The following WDR87 variants were observed in gnomAD, a reference collection of about 807,000 sequenced individuals.
WDR87 encodes the protein WD repeat domain 87.
A neutral mutation model predicts 83.3 loss-of-function variants in WDR87; 56 were observed. The observed-to-expected ratio is 0.67, with a 90% CI of 0.54 to 0.84. The LOEUF is 0.84. Ranked by LOEUF, WDR87 falls within the 40% of genes least tolerant of loss-of-function variation. WDR87 has a pLI of 0.00. For missense variants in WDR87, 2,939 were observed against 3,431.9 expected (o/e 0.86, Z 3.59); for synonymous variants, 1,173 against 1,250.6 (o/e 0.94, Z 1.31).
chr19:37,887,981 TC>T lies in WDR87; in HGVS notation c.5689del (p.Glu1897ArgfsTer17), dbSNP rs955311106. 2.6e-6 allele frequency: 4 copies of T among 1,550,206 alleles called. No homozygotes were observed. The highest frequency in any genetic ancestry group is 3.5e-6 in the Non-Finnish European group (4 of 1,146,818). On this transcript the variant is annotated frameshift_variant, in exon 6 of 6. Coordinates refer to ENST00000447313, the MANE Select transcript of WDR87 (RefSeq NM_001291088.2). LOFTEE classifies it low-confidence loss of function (END_TRUNC). ...TCTTTCTTTATTATAGAGTAGGTTCTCTTTCCTCTGAGCCAATTTTTCCTTC... is the reference window on the plus strand; with the variant it reads ...TCTTTCTTTATTATAGAGTAGGTTCTTTTCCTCTGAGCCAATTTTTCCTTC... ...QEKEKLAQRKENLLYNKERLT... is the reference protein window; with the variant it reads ...QEKEKLAQRKXNLLYNKERLT...
Position 37,885,776 on chromosome 19 carries a change from G to C in WDR87, c.7895C>G (p.Ser2632Cys), listed in dbSNP as rs2046138701. ...SQDTRISSRQ[S>C]MSPKYLKVIP... ...CACTTTCAGGTATTTTGGACTCATG[G>C]ACTGTCTACTTGAGATCCTTGTGTC... Residue 2632 changes from serine to cysteine, a missense_variant, in exon 6 of 6, where the codon TCC (serine) becomes TGC (cysteine). By Grantham distance (112) the Ser-to-Cys change is moderately radical. Transcript: ENST00000447313. 6.4e-7 allele frequency: 1 copy of C among 1,551,650 alleles called. No homozygotes were observed. Among genetic ancestry groups the C allele is most frequent in the Non-Finnish European group, 8.7e-7 (1 of 1,147,018 alleles).
In WDR87 at chr19:37,888,974, T is replaced by C; in HGVS notation, c.4697A>G (p.Asn1566Ser). 1.9e-6 allele frequency: 3 copies of C among 1,552,124 alleles called. No individual in the cohort carries two copies. Among genetic ancestry groups the C allele is most frequent in the Non-Finnish European group, 2.6e-6 (3 of 1,147,096 alleles). Residue 1566 changes from asparagine to serine, a missense_variant, in exon 6 of 6, where the codon AAT becomes AGT. By Grantham distance (46) the Asn-to-Ser change is conservative (BLOSUM62 1). This residue lies in a region of WDR87 where 2,160 missense variants were observed against 2,533.1 expected (regional missense o/e 0.85). Transcript: ENST00000447313. Reference sequence around the variant, plus strand: ...CTCCTTGGACTTAGATGATAACATATTTTCCCAGACTTGTTTCCACTCCTC... The same window carrying C: ...CTCCTTGGACTTAGATGATAACATACTTTCCCAGACTTGTTTCCACTCCTC... ...KWEEWKQVWE[N>S]MLSSKSKEQQ...
chr19:37,900,225 C>G (rs1407034401), intron 1 of WDR87, among the ~76,000 whole-genome samples: 1 of 152,062 alleles, frequency 6.6e-6, no homozygotes, highest in African/African-American at 2.4e-5. Context: ...AACATTAACT[C>G]AAAGAGGAAA....
In WDR87 at chr19:37,888,986, T is replaced by G; in HGVS notation, c.4685A>C (p.Gln1562Pro). The G allele has an allele frequency of 6.4e-7, 1 of 1,552,100 alleles. No individual in the cohort carries two copies. Among genetic ancestry groups the G allele is most frequent in the South Asian group, 1.2e-5 (1 of 84,060 alleles). The change falls in exon 6 of 6, where the codon CAA (glutamine) becomes CCA (proline). Residue 1562 changes from glutamine to proline, a missense_variant. Gln to Pro is a moderately conservative substitution (Grantham distance 76). Transcript: ENST00000447313. The part of the protein sequence containing the change: ...DKKLKWEEWK[Q>P]VWENMLSSKS... ...AGATGATAACATATTTTCCCAGACT[T>G]GTTTCCACTCCTCCCATTTCAGCTT...
intron 1 of WDR87, among the ~76,000 whole-genome samples, chr19:37,903,306 T>TG (rs2046303842): frequency 6.6e-6 from 1 of 152,198 alleles, no homozygotes; most frequent in Non-Finnish European, 1.5e-5. Context: ...CCCCAGGGCC[T>TG]GGGAGTGCTA....
chr19:37,900,794 A>G (rs2046288827), intron 1 of WDR87, among the ~76,000 whole-genome samples: 1 of 151,670 alleles, frequency 6.6e-6, no homozygotes, highest in African/African-American at 2.4e-5. Flanking sequence ...TCAACCCTGC[A>G]CTTGCTGCTC....
rs1306373460 is a variant in WDR87, at chr19:37,886,184, G to A, written c.7487C>T (p.Ser2496Phe). 6.4e-7 allele frequency: 1 copy of A among 1,551,640 alleles called. No individual in the cohort carries two copies. The highest frequency in any genetic ancestry group is 2.4e-5 in the East Asian group (1 of 40,914). Residue 2496 changes from serine to phenylalanine, a missense_variant, in exon 6 of 6, where the codon TCC becomes TTC. Physicochemically the swap from Ser to Phe is radical, Grantham distance 155 (BLOSUM62 -2). Transcript: ENST00000447313. ...TGGGGTCTTTAAGTCCTGTGCTTGGGACTCCAAAACTGTACCCAAAACATG... is the reference window on the plus strand; with the variant it reads ...TGGGGTCTTTAAGTCCTGTGCTTGGAACTCCAAAACTGTACCCAAAACATG... ...PPHVLGTVLE[S>F]QAQDLKTPFM...
intron 2 of WDR87, among the ~76,000 whole-genome samples, chr19:37,897,194 C>T (rs7343065): frequency 0.28 from 39,493 of 140,888 alleles, 6,134 homozygotes; most frequent in Non-Finnish European, 0.36. Flanking sequence ...AAACATGCAT[C>T]TGGGATCCTG....
Position 37,885,104 on chromosome 19 carries a change from C to G in WDR87, c.8567G>C (p.Ser2856Thr). 1 of 1,465,626 alleles carries G rather than the reference C, an allele frequency of 6.8e-7. No homozygotes were observed. Among genetic ancestry groups the G allele is most frequent in the Non-Finnish European group, 9.0e-7 (1 of 1,109,328 alleles). The allele number at this position is 1,465,626 out of a possible 1,614,324, so 90.8% of individuals were successfully genotyped here. ...TACCGCACCCTGGAACTCCTGAGGA[C>G]TTCTAGGAGTATGAGAACTGCCACA... ...LFCGSSHTPR[S>T]PQEFQGAVPL... Residue 2856 changes from serine (S) to threonine (T), a missense_variant, in exon 6 of 6, where the codon AGT becomes ACT. By Grantham distance (58) the Ser-to-Thr change is moderately conservative. Around this residue, in one of 3 missense-constraint regions of WDR87, gnomAD observed 2,160 missense variants for 2,533.1 expected, o/e 0.85. Transcript: ENST00000447313.
rs1274508954 is a variant in WDR87 at position 37,893,447 on chromosome 19, T to A, written c.2256A>T (p.Glu752Asp). The A allele has an allele frequency of 5.2e-6, 8 of 1,552,020 alleles. No individual in the cohort carries two copies. Among genetic ancestry groups the A allele is most frequent in the East Asian group, 2.4e-5 (1 of 40,946 alleles). ...FDHSVPHVIEEDEEGSPVLLR... is the reference protein window; with the variant it reads ...FDHSVPHVIEDDEEGSPVLLR... Reference sequence around the variant, plus strand: ...GTAACACTGGGCTCCCTTCCTCATCTTCTTCTATCACATGTGGCACAGAAT... The same window carrying A: ...GTAACACTGGGCTCCCTTCCTCATCATCTTCTATCACATGTGGCACAGAAT... The change falls in exon 4 of 6, where the codon GAA becomes GAT. Residue 752 changes from glutamate to aspartate, a missense_variant. By Grantham distance (45) the Glu-to-Asp change is conservative (BLOSUM62 2). This residue lies in a region of WDR87 where 2,160 missense variants were observed against 2,533.1 expected (regional missense o/e 0.85). Coordinates refer to ENST00000447313, the MANE Select transcript of WDR87 (RefSeq NM_001291088.2).
Position 37,885,667 on chromosome 19 carries a change from C to T in WDR87, c.8004G>A (p.Lys2668=). 1.3e-6 allele frequency: 2 copies of T among 1,551,788 alleles called. No individual in the cohort carries two copies. The highest frequency in any genetic ancestry group is 1.4e-5 in the African/African-American group (1 of 73,158). ...TTTTAGCCCTTGGGTCTGGAATCCT[C>T]TTGGTAGCTAATGGGGACTTTTGTG... ...VPTQKSPLAT[K]RIPDPRAKNW... is the part of the protein sequence containing the mutation. The change falls in exon 6 of 6, where the codon AAG becomes AAA. Residue 2668 remains lysine (K), a synonymous_variant. Coordinates refer to ENST00000447313, the MANE Select transcript of WDR87 (RefSeq NM_001291088.2).
chr19:37,894,068 T>A lies in WDR87; in HGVS notation c.1635A>T (p.Lys545Asn). 1 of 1,552,158 alleles carries A rather than the reference T, an allele frequency of 6.4e-7. No individual in the cohort carries two copies. The highest frequency in any genetic ancestry group is 8.7e-7 in the Non-Finnish European group (1 of 1,147,118). ...HLSEAVLDGV[K>N]VQLRPLASIL... ...TGCTGGCGAGAGGCCGCAGTTGTAC[T>A]TTGACCCCATCAAGCACAGCTTCTG... is the stretch of plus-strand genomic sequence containing the variant. The change falls in exon 4 of 6, where the codon AAA becomes AAT. Residue 545 changes from lysine (K) to asparagine (N), a missense_variant. Coordinates refer to ENST00000447313, the MANE Select transcript of WDR87 (RefSeq NM_001291088.2).
Position 37,891,662 on chromosome 19 carries a change from G to A in WDR87, c.3284C>T (p.Pro1095Leu). ...KPAFSLDVSM[P>L]SELKSSLKPP... ...TTTCAGGGAGGATTTAAGTTCAGAA[G>A]GCATTGAGACATCTAAAGAAAAAGC... The change falls in exon 5 of 6, where the codon CCT (proline) becomes CTT (leucine). Residue 1095 changes from proline to leucine, a missense_variant. Pro to Leu is a moderately conservative substitution (Grantham distance 98). This residue lies in a region of WDR87 where 2,160 missense variants were observed against 2,533.1 expected (regional missense o/e 0.85). Transcript: ENST00000447313. 1 of 1,551,822 alleles carries A rather than the reference G, an allele frequency of 6.4e-7. No individual in the cohort carries two copies. The highest frequency in any genetic ancestry group is 8.7e-7 in the Non-Finnish European group (1 of 1,147,034).
chr19:37,892,399 A>C (rs1202608575), intron 4 of WDR87, among the ~76,000 whole-genome samples, 179 bp downstream of exon 4: 1 of 152,162 alleles, frequency 6.6e-6, no homozygotes, highest in Non-Finnish European at 1.5e-5. Flanking sequence ...AAGAAGGAAG[A>C]GGAGGAGGAA....
chr19:37,903,184 G>T (rs894611243), intron 1 of WDR87, among the ~76,000 whole-genome samples: 2 of 152,140 alleles, frequency 1.3e-5, no homozygotes, highest in Admixed American at 1.3e-4. Flanking sequence ...CAGGGGTGCA[G>T]AAAGTCCAGC....
chr19:37,887,862 C>G lies in WDR87; in HGVS notation c.5809G>C (p.Glu1937Gln). 6.4e-7 allele frequency: 1 copy of G among 1,551,372 alleles called. No individual in the cohort carries two copies. Residue 1937 changes from glutamate to glutamine, a missense_variant, in exon 6 of 6, where the codon GAA (glutamate) becomes CAA (glutamine). Glu to Gln is a conservative substitution (Grantham distance 29, BLOSUM62 2). Around this residue, in one of 3 missense-constraint regions of WDR87, gnomAD observed 2,160 missense variants for 2,533.1 expected, o/e 0.85. Transcript: ENST00000447313. Reference protein sequence around the residue: ...LAQVEEKLTQEKETVIKKKEK... With the variant: ...LAQVEEKLTQQKETVIKKKEK... ...TTCTTCTTGATCACAGTCTCCTTTT[C>G]CTGTGTCAGCTTCTCCTCTACCTGA...
At position 37,885,703 on chromosome 19, in the gene WDR87, C is replaced by A; in HGVS notation, c.7968G>T (p.Leu2656Phe). The A allele has an allele frequency of 6.4e-7, 1 of 1,551,674 alleles. No individual in the cohort carries two copies. ...ATGGGGACTTTTGTGTGGGGACAGC[C>A]AAAGGTTTTGGCCAGCTCTCCTTTT... ...AKEKESWPKPLAVPTQKSPLA... is the reference protein window; with the variant it reads ...AKEKESWPKPFAVPTQKSPLA... Residue 2656 changes from leucine to phenylalanine, a missense_variant, in exon 6 of 6, where the codon TTG becomes TTT. By Grantham distance (22) the Leu-to-Phe change is conservative. Coordinates refer to ENST00000447313, the MANE Select transcript of WDR87 (RefSeq NM_001291088.2).
chr19:37,899,934 C>T (rs1030136047), intron 1 of WDR87, among the ~76,000 whole-genome samples: 1 of 152,106 alleles, frequency 6.6e-6, no homozygotes, highest in African/African-American at 2.4e-5. Flanking sequence ...TCAACAATAA[C>T]CAAAATGTGA....
At position 37,885,911 on chromosome 19, in the gene WDR87, C is replaced by T. The variant is rs1224950840; in HGVS notation, c.7760G>A (p.Arg2587Lys). ...GEQLSRDGFH[R>K]LCQLLKDLAS... ...AAGGTCTTTGAGCAGCTGGCACAGT[C>T]TATGGAAACCATCCCTGGAAAGCTG... Residue 2587 changes from arginine (R) to lysine (K), a missense_variant, in exon 6 of 6, where the codon AGA becomes AAA. Physicochemically the swap from Arg to Lys is conservative, Grantham distance 26 (BLOSUM62 2). Around this residue, in one of 3 missense-constraint regions of WDR87, gnomAD observed 2,160 missense variants for 2,533.1 expected, o/e 0.85. Coordinates refer to ENST00000447313, the MANE Select transcript of WDR87 (RefSeq NM_001291088.2). The T allele has an allele frequency of 6.4e-7, 1 of 1,552,324 alleles. No homozygotes were observed. Among genetic ancestry groups the T allele is most frequent in the Non-Finnish European group, 8.7e-7 (1 of 1,147,144 alleles).
Sources: gnomAD v4.1 joint callset for allele counts (sites outside exome capture counted in the v4.1 genomes callset) on GRCh38, gnomAD v4.1.1 for gene constraint, gnomAD v4.1.1 regional missense constraint, MANE v1.5 for transcripts, NCBI Gene and HGNC (gene_info 2026-07-23, HGNC 2026-07-21) for gene names.